The following CARMIL1 variants were observed in gnomAD, a reference collection of about 807,000 sequenced individuals.
The protein encoded by CARMIL1 is F-actin-uncapping protein LRRC16A.
Under a neutral mutation model 177.1 loss-of-function variants are expected in CARMIL1, and 90 were observed. That is an observed-to-expected ratio of 0.51 (90% CI 0.43 to 0.61). CARMIL1 has a LOEUF of 0.61. Among genes scored for constraint, CARMIL1 ranks in the 20% least tolerant of loss-of-function variants. CARMIL1 has a pLI of 0.00. For synonymous variants in CARMIL1, 577 were observed against 606.2 expected, an observed-to-expected ratio of 0.95 and a Z score of 0.71; for missense variants, 1,380 against 1,667.0, an observed-to-expected ratio of 0.83 and a Z score of 3.00.
At position 25,509,797 on chromosome 6, in the gene CARMIL1, G is replaced by C. The variant is rs1805287587; in HGVS notation, c.1477+60G>C. 8.3e-7 allele frequency: 1 copy of C among 1,198,456 alleles called. No individual in the cohort carries two copies. The allele number at this position is 1,198,456 out of a possible 1,614,324, so 74.2% of individuals were successfully genotyped here. On this transcript the variant is annotated intron_variant, in intron 18 of 36. Transcript: ENST00000329474. This position sits in a 1 kb window ranked among gnomAD's most constrained non-coding sequence, Gnocchi z 4.1. ...TATTTTTTGAAGCAAGTTAATAAGG[G>C]GAAAATAATCTTCTACCCAAATCCA...
In CARMIL1 at chr6:25,515,888, G is replaced by C. The variant is rs757179176; in HGVS notation, c.1805+41G>C. The stretch of plus-strand genomic sequence containing the variant: ...CCTCCCTGCTCATGAGGAAGGCTTG[G>C]AGCAGATTCCGAACAGCAAGCATTG... On this transcript the variant is annotated intron_variant, in intron 21 of 36. Coordinates refer to ENST00000329474, the MANE Select transcript of CARMIL1 (RefSeq NM_017640.6). This position sits in a 1 kb window ranked among gnomAD's most constrained non-coding sequence, Gnocchi z 5.0. 1.3e-6 allele frequency: 2 copies of C among 1,552,130 alleles called. No individual in the cohort carries two copies. The highest frequency in any genetic ancestry group is 1.7e-6 in the Non-Finnish European group (2 of 1,147,324).
Position 25,340,793 on chromosome 6 carries a change from T to G in CARMIL1, c.138+55884T>G, listed in dbSNP as rs866878015. Reference sequence around the variant, plus strand: ...TCAATGAAGGTTTTTTTTTTTTTTTTTTTTTTTTTTTAAGTCGTGTAAGAA... The same window carrying G: ...TCAATGAAGGTTTTTTTTTTTTTTTGTTTTTTTTTTTAAGTCGTGTAAGAA... On this transcript the variant is annotated intron_variant, in intron 2 of 36. Coordinates refer to ENST00000329474, the MANE Select transcript of CARMIL1 (RefSeq NM_017640.6). 6.8e-3 allele frequency among the ~76,000 whole-genome samples: 1,005 copies of G among 148,520 alleles called. 15 individuals are homozygous for G. Among genetic ancestry groups the G allele is most frequent in the African/African-American group, 0.023 (929 of 40,224 alleles).
intron 32 of CARMIL1, among the ~76,000 whole-genome samples, chr6:25,599,046 G>C (rs932178562): frequency 6.6e-6 from 1 of 152,228 alleles, no homozygotes; most frequent in African/African-American, 2.4e-5. Flanking sequence ...GCTGCATTTG[G>C]AGTCCCCCAG....
chr6:25,305,704 T>G (rs756755140), intron 2 of CARMIL1, among the ~76,000 whole-genome samples: 12 of 152,238 alleles, frequency 7.9e-5, no homozygotes, highest in Non-Finnish European at 1.5e-4. Flanking sequence ...TGGTCCCTGC[T>G]AGCTAATGGT....
At chr6:25,468,180 C>T (rs1359014644) in intron 9 of CARMIL1, among the ~76,000 whole-genome samples, 1 of 150,284 alleles carries the variant, frequency 6.7e-6, no homozygotes, top group African/African-American at 2.4e-5. Context: ...ATCACTATTT[C>T]TAATTTGAGT....
At chr6:25,408,540 C>T (rs1006697729) in intron 2 of CARMIL1, among the ~76,000 whole-genome samples, 2 of 152,110 alleles carry the variant, frequency 1.3e-5, no homozygotes, top group East Asian at 1.9e-4. Context: ...CTTATGACAA[C>T]CTCCAGTGAG....
intron 2 of CARMIL1, among the ~76,000 whole-genome samples, chr6:25,323,007 A>G (rs1442835090): frequency 6.6e-6 from 1 of 152,144 alleles, no homozygotes; most frequent in Non-Finnish European, 1.5e-5. Context: ...TGATGGTTGG[A>G]TTAATTCATT....
intron 29 of CARMIL1, among the ~76,000 whole-genome samples, chr6:25,568,349 A>T (rs893026518): frequency 1.3e-5 from 2 of 152,234 alleles, no homozygotes; most frequent in Non-Finnish European, 2.9e-5. Context: ...AGGAAAGAAA[A>T]CCTGAAGGAG....
intron 2 of CARMIL1, among the ~76,000 whole-genome samples, chr6:25,293,569 G>T (rs1321765621): frequency 6.6e-6 from 1 of 151,648 alleles, no homozygotes; most frequent in African/African-American, 2.4e-5. Flanking sequence ...CCTAGAGATG[G>T]GGTCTCACTT....
At chr6:25,457,715 A>G (rs1799669787) in intron 8 of CARMIL1, among the ~76,000 whole-genome samples, 1 of 152,208 alleles carries the variant, frequency 6.6e-6, no homozygotes, top group African/African-American at 2.4e-5. Context: ...GAGCATGAAG[A>G]GTGGCAGGGC....
At chr6:25,345,449 C>T (rs2150340149) in intron 2 of CARMIL1, among the ~76,000 whole-genome samples, 1 of 152,114 alleles carries the variant, frequency 6.6e-6, no homozygotes, top group African/African-American at 2.4e-5. Flanking sequence ...AACTCCAGAC[C>T]CCTTCATCTG....
At chr6:25,340,047 G>T (rs558275376) in intron 2 of CARMIL1, among the ~76,000 whole-genome samples, 5 of 152,022 alleles carry the variant, frequency 3.3e-5, no homozygotes, top group Non-Finnish European at 7.4e-5. Context: ...TAATTTATTC[G>T]GCTCCTTATT....
At chr6:25,571,130 A>G (rs922218130) in intron 29 of CARMIL1, among the ~76,000 whole-genome samples, 1 of 152,198 alleles carries the variant, frequency 6.6e-6, no homozygotes, top group Non-Finnish European at 1.5e-5. Flanking sequence ...AGTAGTAAGT[A>G]TTTAGTTTTT....
chr6:25,472,890 G>A, intron 11 of CARMIL1, among the ~76,000 whole-genome samples: 2 of 152,106 alleles, frequency 1.3e-5, no homozygotes, highest in East Asian at 3.9e-4. Context: ...CTGTGCTCTG[G>A]GTCTGTCTCT....
At chr6:25,371,006 A>G (rs1326613900) in intron 2 of CARMIL1, among the ~76,000 whole-genome samples, 1 of 152,164 alleles carries the variant, frequency 6.6e-6, no homozygotes, top group Non-Finnish European at 1.5e-5. Context: ...TATAAGTGAG[A>G]ACATACGGTA....
chr6:25,436,351 C>T (rs1440770502), intron 5 of CARMIL1, among the ~76,000 whole-genome samples: 1 of 152,152 alleles, frequency 6.6e-6, no homozygotes, highest in African/African-American at 2.4e-5. Flanking sequence ...ATTTCCCTCC[C>T]ATTGCTCTCC....
At chr6:25,587,813 G>T (rs1813898607) in intron 31 of CARMIL1, among the ~76,000 whole-genome samples, 1 of 152,098 alleles carries the variant, frequency 6.6e-6, no homozygotes, top group African/African-American at 2.4e-5. Flanking sequence ...TTGCTTTTGG[G>T]AAAAGAGCAT....
intron 27 of CARMIL1, among the ~76,000 whole-genome samples, chr6:25,552,249 T>G (rs1810177419): frequency 6.6e-6 from 1 of 152,122 alleles, no homozygotes; most frequent in South Asian, 2.1e-4. Flanking sequence ...AATTTTTTTG[T>G]TGGAGATGCC....
chr6:25,521,370 G>A (rs869074247), intron 23 of CARMIL1, among the ~76,000 whole-genome samples: 6 of 152,098 alleles, frequency 3.9e-5, no homozygotes, highest in African/African-American at 1.2e-4. Flanking sequence ...GCATTAAAAT[G>A]AGGGTGATTT....
Sources: allele counts gnomAD v4.1 joint callset (sites outside exome capture counted in the v4.1 genomes callset), GRCh38; gene constraint gnomAD v4.1.1; non-coding constraint Gnocchi (gnomAD v3.1); transcripts MANE v1.5; gene names NCBI Gene and HGNC (gene_info 2026-07-23, HGNC 2026-07-21).